MPPED1: variants seen among roughly 807,000 people sequenced by gnomAD.
MPPED1 encodes the protein metallophosphoesterase domain-containing protein 1.
MPPED1 carries 16 observed loss-of-function variants against 36.2 expected under a neutral mutation model. That is an observed-to-expected ratio of 0.44 (90% CI 0.30 to 0.67). The LOEUF (loss-of-function observed/expected upper bound fraction) is 0.67, where lower values mean the gene tolerates loss of function less well. Ranked by LOEUF, MPPED1 falls within the 30% of genes least tolerant of loss-of-function variation. MPPED1 has a pLI of 0.10. For missense variants in MPPED1, 307 were observed against 453.4 expected (o/e 0.68, Z 2.93); for synonymous variants, 199 against 191.3 (o/e 1.04, Z -0.33).
rs772454122 is a variant in MPPED1, at chr22:43,425,044, C to T, written c.59C>T (p.Pro20Leu). 1.2e-6 allele frequency: 2 copies of T among 1,612,512 alleles called. No homozygotes were observed. Reference protein sequence around the residue: ...VLKAEALALLPCGLGMAFSQS... With the variant: ...VLKAEALALLLCGLGMAFSQS... ...AAGGCGGAGGCCCTGGCCCTCCTCC[C>T]CTGCGGCCTGGGCATGGCATTCTCC... Residue 20 changes from proline to leucine, a missense_variant, in exon 2 of 7, where the codon CCC (proline) becomes CTC (leucine). Physicochemically the swap from Pro to Leu is moderately conservative, Grantham distance 98. This residue lies in a region of MPPED1 where 169 missense variants were observed against 212.3 expected (regional missense o/e 0.80). Transcript: ENST00000443721.
chr22:43,485,790 T>G (rs1931894946), intron 4 of MPPED1, among the ~76,000 whole-genome samples: 1 of 152,136 alleles, frequency 6.6e-6, no homozygotes, highest in African/African-American at 2.4e-5. Flanking sequence ...GGTGGGAAAA[T>G]TAATTAGGAA....
At chr22:43,483,700 TACA>T (rs1931819972) in intron 4 of MPPED1, among the ~76,000 whole-genome samples, 3 of 152,222 alleles carry the variant, frequency 2.0e-5, no homozygotes, top group Middle Eastern at 3.2e-3. Flanking sequence ...GCCAGCAAGG[TACA>T]ATCTGGGGGA....
intron 1 of MPPED1, chr22:43,417,063 T>C: frequency 1.0e-6 from 1 of 968,420 alleles, no homozygotes; most frequent in Non-Finnish European, 1.2e-6. Context: ...AATTGGAAAA[T>C]GAAGCGGCAG....
At chr22:43,438,112 G>A (rs1930027361) in intron 3 of MPPED1, among the ~76,000 whole-genome samples, 2 of 152,184 alleles carry the variant, frequency 1.3e-5, no homozygotes, top group South Asian at 2.1e-4. Context: ...AGCACACAGG[G>A]CCCCACTCAG....
chr22:43,444,727 TA>T (rs141120901), intron 3 of MPPED1, among the ~76,000 whole-genome samples: 28 of 150,170 alleles, frequency 1.9e-4, no homozygotes, highest in East Asian at 5.8e-4. Flanking sequence ...ATTAAAAACT[TA>T]AAAAAAAAAT....
chr22:43,479,781 C>A (rs1427894862), intron 4 of MPPED1, among the ~76,000 whole-genome samples: 1 of 152,164 alleles, frequency 6.6e-6, no homozygotes, highest in Non-Finnish European at 1.5e-5. Context: ...AAAGGGGAAG[C>A]AAAAAGCAAA....
At chr22:43,471,452 C>T (rs974508281) in intron 3 of MPPED1, among the ~76,000 whole-genome samples, 2 of 152,190 alleles carry the variant, frequency 1.3e-5, no homozygotes, top group African/African-American at 4.8e-5. Context: ...GGACCAGCGT[C>T]CCCCTCCACA....
intron 3 of MPPED1, among the ~76,000 whole-genome samples, chr22:43,465,665 G>C (rs915299795): frequency 6.6e-6 from 1 of 152,222 alleles, no homozygotes; most frequent in Non-Finnish European, 1.5e-5. Flanking sequence ...AGGGTTGAGT[G>C]AAGAGAGCGG....
At chr22:43,468,749 T>A (rs1187225366) in intron 3 of MPPED1, among the ~76,000 whole-genome samples, 1 of 152,116 alleles carries the variant, frequency 6.6e-6, no homozygotes, top group African/African-American at 2.4e-5. Context: ...TCATGTTTAA[T>A]CAGGGCTCAT....
intron 3 of MPPED1, among the ~76,000 whole-genome samples, chr22:43,441,920 G>A (rs147883584): frequency 9.2e-5 from 14 of 152,314 alleles, no homozygotes; most frequent in African/African-American, 2.4e-4. Context: ...ATCCCAGGGC[G>A]CCTGCCGGCG....
Position 43,489,060 on chromosome 22 carries a change from G to A in MPPED1, c.633-9175G>A, listed in dbSNP as rs577685944. ...GATCAGGGCTGACTGGGCCCCTGGA[G>A]CCCTTGTCTGCCCTAACCTCTGAAA... On this transcript the variant is annotated intron_variant, in intron 4 of 6. Transcript: ENST00000443721. Among the ~76,000 whole-genome samples, 6 of 152,252 alleles carry A rather than the reference G, an allele frequency of 3.9e-5. No homozygotes were observed. In the South Asian group the frequency reaches 1.0e-3, roughly 26 times the overall value.
At chr22:43,455,877 C>T (rs191379792) in intron 3 of MPPED1, among the ~76,000 whole-genome samples, 90 of 152,328 alleles carry the variant, frequency 5.9e-4, no homozygotes, top group African/African-American at 2.1e-3. Flanking sequence ...TTATCACAAG[C>T]TTCTTGGTTT....
At chr22:43,490,550 A>G (rs1048346966) in intron 4 of MPPED1, among the ~76,000 whole-genome samples, 1 of 152,204 alleles carries the variant, frequency 6.6e-6, no homozygotes. Context: ...CTGGGGGTCC[A>G]CAGGGTCTCT....
intron 3 of MPPED1, among the ~76,000 whole-genome samples, chr22:43,450,278 C>A (rs1401688095): frequency 2.6e-5 from 4 of 152,238 alleles, no homozygotes; most frequent in African/African-American, 9.6e-5. Context: ...GGGCAGGCCC[C>A]CTCCCGGTCC....
At chr22:43,413,820 A>G (rs553999519) in intron 1 of MPPED1, among the ~76,000 whole-genome samples, 2 of 152,340 alleles carry the variant, frequency 1.3e-5, no homozygotes, top group South Asian at 4.1e-4. Flanking sequence ...TCAAAAGGCG[A>G]TAATCCAGTC....
intron 3 of MPPED1, among the ~76,000 whole-genome samples, chr22:43,436,806 C>A (rs1016996787): frequency 4.6e-5 from 7 of 152,236 alleles, no homozygotes; most frequent in Non-Finnish European, 1.0e-4. Flanking sequence ...AGGCTCTTAC[C>A]ACCTCTGCCT....
At chr22:43,449,501 A>G (rs1015721497) in intron 3 of MPPED1, among the ~76,000 whole-genome samples, 4 of 136,610 alleles carry the variant, frequency 2.9e-5, no homozygotes, top group South Asian at 2.2e-4. Context: ...CCCTTATCCT[A>G]TGGCCCTGAG....
intron 4 of MPPED1, among the ~76,000 whole-genome samples, chr22:43,483,659 G>C (rs1170578287): frequency 6.6e-6 from 1 of 152,232 alleles, no homozygotes; most frequent in African/African-American, 2.4e-5. Flanking sequence ...GAGGTGTTAG[G>C]GGTGTTGTCA....
At chr22:43,495,516 TGGTGGAGGTGGTGGTGGTGGAG>T (rs1932263437) in intron 4 of MPPED1, among the ~76,000 whole-genome samples, 11 of 117,020 alleles carry the variant, frequency 9.4e-5, no homozygotes, top group South Asian at 3.1e-4. Flanking sequence ...GTGGTGGTGG[TGGTGGAGGTGGTGGTGGTGGAG>T]ATGGTGGTGG....
Sources: allele counts gnomAD v4.1 joint callset (sites outside exome capture counted in the v4.1 genomes callset), GRCh38; gene constraint gnomAD v4.1.1; regional missense constraint gnomAD v4.1.1; transcripts MANE v1.5; gene names NCBI Gene and HGNC (gene_info 2026-07-23, HGNC 2026-07-21).